The following PGGHG variants were observed in gnomAD, a reference collection of about 807,000 sequenced individuals.
PGGHG encodes ATH1, acid trehalase-like 1.
In PGGHG, 67 loss-of-function variants were observed where a neutral mutation model predicts 74.5. The observed-to-expected ratio is 0.90, with a 90% confidence interval of 0.74 to 1.10. PGGHG has a LOEUF of 1.10. Ranked by LOEUF, PGGHG falls within the 50% of genes least tolerant of loss-of-function variation. The probability of loss-of-function intolerance (pLI) is 0.00; values close to 1 mark genes in which losing one functional copy is unlikely to be tolerated. For missense variants in PGGHG, 1,034 were observed against 981.5 expected (o/e 1.05, Z -0.72); for synonymous variants, 496 against 419.9 (o/e 1.18, Z -2.21).
rs1479170800 is a variant in PGGHG at position 290,274 on chromosome 11, C to G, written c.260-116C>G. On this transcript the variant is annotated intron_variant, in intron 2 of 13. Transcript: ENST00000409548. ...TGCAGCTGTAGCGGGAACGAGCAGCCGAGGGCCCAGAGGGATCCGCCTCAT... is the reference window on the plus strand; with the variant it reads ...TGCAGCTGTAGCGGGAACGAGCAGCGGAGGGCCCAGAGGGATCCGCCTCAT... 3.7e-6 allele frequency: 5 copies of G among 1,369,152 alleles called. No homozygotes were observed. In the East Asian group the frequency reaches 7.5e-5, roughly 21 times the overall value. The allele number at this position is 1,369,152 out of a possible 1,614,324, so 84.8% of individuals were successfully genotyped here.
chr11:290,014 G>A lies in PGGHG; in HGVS notation c.198G>A (p.Leu66=), dbSNP rs955646739. 1.3e-6 allele frequency: 2 copies of A among 1,546,798 alleles called. No individual in the cohort carries two copies. The highest frequency in any genetic ancestry group is 2.0e-5 in the Admixed American group (1 of 50,968). Residue 66 remains leucine (L), a synonymous_variant, in exon 2 of 14, where the codon CTG becomes CTA. Transcript: ENST00000409548. ...TGCCCAGCCCCCTCAACGTCCGGCT[G>A]GAGGCCCCTGCAGGGATGGGGGAGC... is the stretch of plus-strand genomic sequence containing the variant. The part of the protein sequence containing the change: ...AMLPSPLNVR[L]EAPAGMGEQL...
chr11:294,865 G>A lies in PGGHG; in HGVS notation c.*116G>A, dbSNP rs112574177. Reference sequence around the variant, plus strand: ...CCCTCACCTGCAGCCAGGCTCTCAGGGAAGGTCCATGCTGCTTGGCCTGAG... The same window carrying A: ...CCCTCACCTGCAGCCAGGCTCTCAGAGAAGGTCCATGCTGCTTGGCCTGAG... On this transcript the variant is annotated 3_prime_UTR_variant, in exon 14 of 14. Transcript: ENST00000409548. The A allele has an allele frequency of 1.1e-4, 135 of 1,265,052 alleles. No homozygotes were observed. The highest frequency in any genetic ancestry group is 1.2e-4 in the Non-Finnish European group (113 of 922,856). The allele number at this position is 1,265,052 out of a possible 1,614,324, so 78.4% of individuals were successfully genotyped here. A position where few individuals can be genotyped will look rare whatever the true frequency, so the allele number is the denominator to read the frequency against.
Position 292,461 on chromosome 11 carries a change from C to G in PGGHG, c.1027-85C>G, listed in dbSNP as rs1409037843. On this transcript the variant is annotated intron_variant, in intron 5 of 13. Transcript: ENST00000409548. ...GTACCTGGCGCAGGCCGAGCCCCCC[C>G]TCCTCCAGGGCGAGGGCACGGGAAA... is the stretch of plus-strand genomic sequence containing the variant. 6 of 1,546,490 alleles carry G rather than the reference C, an allele frequency of 3.9e-6. No individual in the cohort carries two copies. In the Admixed American group the frequency reaches 7.0e-5, roughly 18 times the overall value.
chr11:292,568 G>A lies in PGGHG; in HGVS notation c.1049G>A (p.Ser350Asn). The change falls in exon 6 of 14, where the codon AGT (serine) becomes AAT (asparagine). Residue 350 changes from serine to asparagine, a missense_variant. Transcript: ENST00000409548. ...GYQGAKFAWE[S>N]ADSGLEVCPE... Reference sequence around the variant, plus strand: ...CAGGGAGCCAAGTTTGCCTGGGAGAGTGCAGACTCCGGCCTAGAGGTTTGC... The same window carrying A: ...CAGGGAGCCAAGTTTGCCTGGGAGAATGCAGACTCCGGCCTAGAGGTTTGC... 1.2e-6 allele frequency: 2 copies of A among 1,613,504 alleles called. No individual in the cohort carries two copies. Among genetic ancestry groups the A allele is most frequent in the Non-Finnish European group, 1.7e-6 (2 of 1,179,970 alleles).
chr11:292,110 G>A lies in PGGHG; in HGVS notation c.1026+15G>A, dbSNP rs1395865287. Reference sequence around the variant, plus strand: ...TGGGCTACCAGGTGAGGGGACCTGGGGCACTGGCCCGTAGGGCCCTGCAGG... The same window carrying A: ...TGGGCTACCAGGTGAGGGGACCTGGAGCACTGGCCCGTAGGGCCCTGCAGG... On this transcript the variant is annotated intron_variant, in intron 5 of 13. Coordinates refer to ENST00000409548, the MANE Select transcript of PGGHG (RefSeq NM_025092.5). 4.9e-5 allele frequency: 75 copies of A among 1,543,902 alleles called. No homozygotes were observed. Among genetic ancestry groups the A allele is most frequent in the South Asian group, 1.7e-4 (14 of 83,372 alleles).
At position 290,318 on chromosome 11, in the gene PGGHG, T is replaced by C. The variant is rs1335328628; in HGVS notation, c.260-72T>C. On this transcript the variant is annotated intron_variant, in intron 2 of 13. Coordinates refer to ENST00000409548, the MANE Select transcript of PGGHG (RefSeq NM_025092.5). Reference sequence around the variant, plus strand: ...GCCTCATTGTGGGGAGAGGCAGCGGTCGGGTGGTCCACTCCTGCCCCAGAG... The same window carrying C: ...GCCTCATTGTGGGGAGAGGCAGCGGCCGGGTGGTCCACTCCTGCCCCAGAG... The C allele has an allele frequency of 2.7e-6, 4 of 1,458,316 alleles. No individual in the cohort carries two copies. The African/African-American group carries it at 4.2e-5, about 15-fold the overall frequency. 90.3% of individuals were successfully genotyped at this position (1,458,316 alleles called of 1,614,324 possible).
chr11:292,109 G>T lies in PGGHG; in HGVS notation c.1026+14G>T. The T allele has an allele frequency of 6.5e-7, 1 of 1,545,780 alleles. No individual in the cohort carries two copies. Among genetic ancestry groups the T allele is most frequent in the East Asian group, 2.4e-5 (1 of 41,390 alleles). Reference sequence around the variant, plus strand: ...CTGGGCTACCAGGTGAGGGGACCTGGGGCACTGGCCCGTAGGGCCCTGCAG... The same window carrying T: ...CTGGGCTACCAGGTGAGGGGACCTGTGGCACTGGCCCGTAGGGCCCTGCAG... On this transcript the variant is annotated intron_variant, in intron 5 of 13. Transcript: ENST00000409548.
chr11:292,658 T>A lies in PGGHG; in HGVS notation c.1139T>A (p.Leu380Gln), dbSNP rs574718267. ...GGGGCCGTGGTGTTGGCCTTCGAGC[T>A]GTACTACCATACCACCCAGGTGAGG... Reference protein sequence around the residue: ...VNGAVVLAFELYYHTTQDLQL... With the variant: ...VNGAVVLAFEQYYHTTQDLQL... Residue 380 changes from leucine (L) to glutamine (Q), a missense_variant, in exon 6 of 14, where the codon CTG (leucine) becomes CAG (glutamine). Coordinates refer to ENST00000409548, the MANE Select transcript of PGGHG (RefSeq NM_025092.5). 2 of 1,613,788 alleles carry A rather than the reference T, an allele frequency of 1.2e-6. No individual in the cohort carries two copies. The highest frequency in any genetic ancestry group is 1.7e-5 in the Admixed American group (1 of 60,014).
intron 11 of PGGHG, 71 bp downstream of exon 11, chr11:293,996 A>G: frequency 6.3e-7 from 1 of 1,588,904 alleles, no homozygotes; most frequent in Non-Finnish European, 8.6e-7. Flanking sequence ...CAGAGCAGGC[A>G]CAGCAGGGTG....
Position 292,101 on chromosome 11 carries a change from G to A in PGGHG, c.1026+6G>A. The stretch of plus-strand genomic sequence containing the variant: ...CCCAGAACCTGGGCTACCAGGTGAG[G>A]GGACCTGGGGCACTGGCCCGTAGGG... On this transcript the variant is annotated splice_donor_region_variant and intron_variant, in intron 5 of 13. Coordinates refer to ENST00000409548, the MANE Select transcript of PGGHG (RefSeq NM_025092.5). 1 of 1,549,468 alleles carries A rather than the reference G, an allele frequency of 6.5e-7. No individual in the cohort carries two copies. The highest frequency in any genetic ancestry group is 8.7e-7 in the Non-Finnish European group (1 of 1,147,216).
intron 4 of PGGHG, chr11:291,749 G>C (rs1432660244): frequency 5.5e-6 from 3 of 541,576 alleles, no homozygotes; most frequent in African/African-American, 3.9e-5. Flanking sequence ...CCACACAAAC[G>C]CCGGCTGGGG....
chr11:294,774 T>C lies in PGGHG; in HGVS notation c.*25T>C, dbSNP rs764876938. ...ATCAGGAACGGTGGCTTCAGAGACG[T>C]CTCTTGGGCCTTCCCTCTGGCCACG... On this transcript the variant is annotated 3_prime_UTR_variant, in exon 14 of 14. Transcript: ENST00000409548. The C allele has an allele frequency of 3.6e-5, 57 of 1,564,140 alleles. No homozygotes were observed. The Admixed American group carries it at 1.0e-3, about 27-fold the overall frequency.
At position 293,882 on chromosome 11, in the gene PGGHG, G is replaced by T. The variant is rs1412432794; in HGVS notation, c.1667G>T (p.Gly556Val). 1 of 1,613,560 alleles carries T rather than the reference G, an allele frequency of 6.2e-7. No homozygotes were observed. The highest frequency in any genetic ancestry group is 1.1e-5 in the South Asian group (1 of 91,074). The change falls in exon 11 of 14, where the codon GGC (glycine) becomes GTC (valine). Residue 556 changes from glycine to valine, a missense_variant. Physicochemically the swap from Gly to Val is moderately radical, Grantham distance 109. Transcript: ENST00000409548. The part of the protein sequence containing the change: ...MELKDAVRAR[G>V]LLDRSFANMA... ...CTGAAGGACGCAGTGCGGGCCCGGGGCCTCCTGGACAGGAGCTTTGCCAAC... is the reference window on the plus strand; with the variant it reads ...CTGAAGGACGCAGTGCGGGCCCGGGTCCTCCTGGACAGGAGCTTTGCCAAC...
chr11:291,405 G>C, intron 4 of PGGHG: 1 of 407,716 alleles, frequency 2.5e-6, no homozygotes. Flanking sequence ...GTAGACAGTA[G>C]TGTGGCGCTT....
rs778916050 is a variant in PGGHG at position 293,407 on chromosome 11, C to T, written c.1385C>T (p.Pro462Leu). The T allele has an allele frequency of 3.7e-6, 6 of 1,612,580 alleles. No individual in the cohort carries two copies. The Admixed American group carries it at 8.3e-5, about 22-fold the overall frequency. The change falls in exon 9 of 14, where the codon CCC (proline) becomes CTC (leucine). Residue 462 changes from proline (P) to leucine (L), a missense_variant. Physicochemically the swap from Pro to Leu is moderately conservative, Grantham distance 98. Transcript: ENST00000409548. ...GCCCTGGCCCAGGACCTGGGTCTTCCCATCCCCAGCCAGTGGCTGGCGGTG... is the reference window on the plus strand; with the variant it reads ...GCCCTGGCCCAGGACCTGGGTCTTCTCATCCCCAGCCAGTGGCTGGCGGTG... ...AAALAQDLGL[P>L]IPSQWLAVAD...
rs931187039 is a variant in PGGHG at position 293,169 on chromosome 11, T to C, written c.1277T>C (p.Met426Thr). The change falls in exon 8 of 14, where the codon ATG (methionine) becomes ACG (threonine). Residue 426 changes from methionine to threonine, a missense_variant. Met to Thr is a moderately conservative substitution (Grantham distance 81). Coordinates refer to ENST00000409548, the MANE Select transcript of PGGHG (RefSeq NM_025092.5). Reference sequence around the variant, plus strand: ...CTTGGACTTGTGTGTCCAGGAGTCATGTCCCCCGACGAGTACCATTCAGGG... The same window carrying C: ...CTTGGACTTGTGTGTCCAGGAGTCACGTCCCCCGACGAGTACCATTCAGGG... ...REEKYHLRGV[M>T]SPDEYHSGVN... 4 of 1,613,822 alleles carry C rather than the reference T, an allele frequency of 2.5e-6. No homozygotes were observed. Among genetic ancestry groups the C allele is most frequent in the East Asian group, 2.2e-5 (1 of 44,892 alleles).
Position 289,732 on chromosome 11 carries a change from G to A in PGGHG, c.-13-72G>A, listed in dbSNP as rs182073455. 593 of 1,463,452 alleles carry A rather than the reference G, an allele frequency of 4.1e-4. 2 individuals are homozygous for A. In the African/African-American group the frequency reaches 7.7e-3, roughly 19 times the overall value. The allele number at this position is 1,463,452 out of a possible 1,614,324, so 90.7% of individuals were successfully genotyped here. On this transcript the variant is annotated intron_variant, in intron 1 of 13. Transcript: ENST00000409548. The surrounding 1 kb of genome is among the most constrained non-coding windows in gnomAD (Gnocchi z 5.6). ...CCCCCAGTTCTGAGGGAGGCTTCAG[G>A]GGATTACAGACGGTCTCAAGAGGGA...
In PGGHG at chr11:290,554, A is replaced by C. The variant is rs1486064442; in HGVS notation, c.424A>C (p.Ser142Arg). 2 of 1,551,292 alleles carry C rather than the reference A, an allele frequency of 1.3e-6. No individual in the cohort carries two copies. Among genetic ancestry groups the C allele is most frequent in the Non-Finnish European group, 1.7e-6 (2 of 1,147,282 alleles). The change falls in exon 3 of 14, where the codon AGC becomes CGC. Residue 142 changes from serine to arginine, a missense_variant. Coordinates refer to ENST00000409548, the MANE Select transcript of PGGHG (RefSeq NM_025092.5). ...CCTGCGGTCAGCCTTCTCCCCAGAA[A>C]GCCCAGACCTGGACCTGCATCAGGG... ...LLLRSAFSPESPDLDLHQGPD... is the reference protein window; with the variant it reads ...LLLRSAFSPERPDLDLHQGPD...
At position 290,032 on chromosome 11, in the gene PGGHG, G is replaced by C. The variant is rs765101108; in HGVS notation, c.216G>C (p.Met72Ile). ...TCCGGCTGGAGGCCCCTGCAGGGAT[G>C]GGGGAGCAGCTGACCGAGACCTTCG... ...LNVRLEAPAG[M>I]GEQLTETFAL... Residue 72 changes from methionine (M) to isoleucine (I), a missense_variant, in exon 2 of 14, where the codon ATG (methionine) becomes ATC (isoleucine). Coordinates refer to ENST00000409548, the MANE Select transcript of PGGHG (RefSeq NM_025092.5). 3.3e-5 allele frequency: 51 copies of C among 1,544,150 alleles called. No homozygotes were observed. Among genetic ancestry groups the C allele is most frequent in the Non-Finnish European group, 3.7e-5 (42 of 1,146,336 alleles).
Sources: gnomAD v4.1 joint callset for allele counts on GRCh38, gnomAD v4.1.1 for gene constraint, Gnocchi (gnomAD v3.1) non-coding constraint, MANE v1.5 for transcripts, NCBI Gene and HGNC (gene_info 2026-07-23, HGNC 2026-07-21) for gene names.